Variants in BTBD9 observed in about 807,000 individuals in gnomAD.
BTBD9 encodes BTB/POZ domain-containing protein 9.
Under a neutral mutation model 64.3 loss-of-function variants are expected in BTBD9, and 49 were observed. The observed-to-expected ratio is 0.76, with a 90% CI of 0.61 to 0.97. The LOEUF (loss-of-function observed/expected upper bound fraction) is 0.97, where lower values mean the gene tolerates loss of function less well. BTBD9 is among the 50% of genes least tolerant of loss of function. The pLI is 0.00. For missense variants in BTBD9, 598 were observed against 762.1 expected, an observed-to-expected ratio of 0.78 and a Z score of 2.53; for synonymous variants, 260 against 274.7, an observed-to-expected ratio of 0.95 and a Z score of 0.53.
At chr6:38,375,736 C>T (rs1268438900) in intron 6 of BTBD9, among the ~76,000 whole-genome samples, 1 of 152,040 alleles carries the variant, frequency 6.6e-6, no homozygotes, top group African/African-American at 2.4e-5. Context: ...AGGATAAACA[C>T]ACAAACACTG....
intron 6 of BTBD9, among the ~76,000 whole-genome samples, chr6:38,570,309 G>C (rs1045055428): frequency 6.6e-6 from 1 of 152,164 alleles, no homozygotes; most frequent in African/African-American, 2.4e-5. Flanking sequence ...CTCTAAGGTA[G>C]AGCTATTTCT....
intron 8 of BTBD9, among the ~76,000 whole-genome samples, chr6:38,286,058 G>T (rs999842462): frequency 6.6e-6 from 1 of 152,180 alleles, no homozygotes; most frequent in African/African-American, 2.4e-5. Flanking sequence ...AAGTTTATTT[G>T]TACAGGTAGC....
At chr6:38,597,848 C>T (rs1777099817) in intron 2 of BTBD9, 62 bp downstream of exon 2, 1 of 1,383,580 alleles carries the variant, frequency 7.2e-7, no homozygotes. Flanking sequence ...TTTCATAGAG[C>T]AGAAAATACC....
chr6:38,416,308 T>C (rs986841996), intron 6 of BTBD9, among the ~76,000 whole-genome samples: 2 of 151,422 alleles, frequency 1.3e-5, no homozygotes, highest in Non-Finnish European at 2.9e-5. Context: ...TAGTCAGCCC[T>C]ATGGAGGAGT....
In BTBD9 at chr6:38,252,555, A is replaced by G. The variant is rs560262423; in HGVS notation, c.1562+3854T>C. On this transcript the variant is annotated intron_variant, in intron 9 of 10. Transcript: ENST00000481247. ...ATTACTACTTTTGTTCTTCTAATGT[A>G]TTATTTATTTATTAATTTGTAAAAC... Among the ~76,000 whole-genome samples, 6 of 152,328 alleles carry G rather than the reference A, an allele frequency of 3.9e-5. No individual in the cohort carries two copies. The East Asian group carries it at 1.2e-3, about 29-fold the overall frequency.
At chr6:38,304,225 C>CAACT (rs959011935) in intron 7 of BTBD9, among the ~76,000 whole-genome samples, 51 of 151,896 alleles carry the variant, frequency 3.4e-4, no homozygotes, top group African/African-American at 1.2e-3. Context: ...ATTTGATAAT[C>CAACT]AACTCTACTA....
At chr6:38,306,137 T>C (rs1762613252) in intron 7 of BTBD9, among the ~76,000 whole-genome samples, 1 of 152,246 alleles carries the variant, frequency 6.6e-6, no homozygotes, top group African/African-American at 2.4e-5. Context: ...ACTCCCCATT[T>C]TGAATGTTCA....
intron 6 of BTBD9, among the ~76,000 whole-genome samples, chr6:38,520,788 AAT>A: frequency 6.9e-6 from 1 of 144,144 alleles, no homozygotes; most frequent in South Asian, 2.3e-4. Context: ...AAAAATAAAA[AAT>A]TTAAAAAAAA....
intron 7 of BTBD9, among the ~76,000 whole-genome samples, chr6:38,331,629 T>A (rs1030602856): frequency 5.3e-5 from 8 of 152,196 alleles, no homozygotes; most frequent in African/African-American, 1.9e-4. Flanking sequence ...GAGGTCAAGT[T>A]GGGAGGATGG....
intron 6 of BTBD9, among the ~76,000 whole-genome samples, chr6:38,367,585 T>C (rs960632545): frequency 1.3e-5 from 2 of 152,202 alleles, no homozygotes; most frequent in Non-Finnish European, 2.9e-5. Context: ...TTATTAGCTA[T>C]AGAAGAAGAG....
intron 1 of BTBD9, among the ~76,000 whole-genome samples, chr6:38,632,934 T>C (rs1778411085): frequency 6.6e-6 from 1 of 151,946 alleles, no homozygotes; most frequent in Admixed American, 6.5e-5. Flanking sequence ...CCTGTCTCTA[T>C]TTGAAAAAAA....
chr6:38,258,489 T>C (rs1254993969), intron 8 of BTBD9, among the ~76,000 whole-genome samples: 1 of 152,252 alleles, frequency 6.6e-6, no homozygotes, highest in Non-Finnish European at 1.5e-5. Flanking sequence ...GTGAGCTCCT[T>C]GAAGGCAGTG....
At chr6:38,517,723 G>GA (rs1374585380) in intron 6 of BTBD9, among the ~76,000 whole-genome samples, 2 of 152,100 alleles carry the variant, frequency 1.3e-5, no homozygotes, top group Admixed American at 6.6e-5. Flanking sequence ...AACCCTTTCA[G>GA]AAAAAAGCTG....
chr6:38,419,642 G>A (rs564690297), intron 6 of BTBD9, among the ~76,000 whole-genome samples: 7 of 152,186 alleles, frequency 4.6e-5, no homozygotes, highest in African/African-American at 9.6e-5. Flanking sequence ...AGGCCGAGGC[G>A]GGCGGATCAC....
chr6:38,484,148 T>C (rs1771291500), intron 6 of BTBD9, among the ~76,000 whole-genome samples: 1 of 152,204 alleles, frequency 6.6e-6, no homozygotes, highest in Admixed American at 6.5e-5. Context: ...AGCTCTTTGC[T>C]CTTCAACTGT....
intron 6 of BTBD9, among the ~76,000 whole-genome samples, chr6:38,449,243 T>C (rs1165387536): frequency 6.6e-6 from 1 of 152,170 alleles, no homozygotes; most frequent in African/African-American, 2.4e-5. Flanking sequence ...AAAAGATTTC[T>C]AAGCAGCAAG....
chr6:38,272,111 CCA>C (rs1393696432), intron 8 of BTBD9, among the ~76,000 whole-genome samples: 1 of 152,050 alleles, frequency 6.6e-6, no homozygotes. Flanking sequence ...TAGTCATTGA[CCA>C]CTACCCTCTA....
intron 5 of BTBD9, among the ~76,000 whole-genome samples, chr6:38,578,674 A>C (rs1286633801): frequency 2.0e-5 from 3 of 152,192 alleles, no homozygotes; most frequent in African/African-American, 7.2e-5. Flanking sequence ...TCTCTGGGTT[A>C]TCAGTAACAG....
intron 7 of BTBD9, among the ~76,000 whole-genome samples, chr6:38,328,609 G>GTGTGTGTGTGTT (rs2127580094): frequency 7.9e-6 from 1 of 127,104 alleles, no homozygotes; most frequent in South Asian, 2.6e-4. Context: ...GTGTGTGTGT[G>GTGTGTGTGTGTT]TGTTTTATGG....
Sources: allele counts gnomAD v4.1 joint callset (sites outside exome capture counted in the v4.1 genomes callset), GRCh38; gene constraint gnomAD v4.1.1; transcripts MANE v1.5; gene names NCBI Gene and HGNC (gene_info 2026-07-23, HGNC 2026-07-21).